ZMPSTE24: variants seen among roughly 807,000 people sequenced by gnomAD.
ZMPSTE24 encodes the protein CAAX prenyl protease 1 homolog.
A neutral mutation model predicts 56.7 loss-of-function variants in ZMPSTE24; 48 were observed. That is an observed-to-expected ratio of 0.85 (90% confidence interval 0.67 to 1.08). The LOEUF (loss-of-function observed/expected upper bound fraction) is 1.08, where lower values mean the gene tolerates loss of function less well. Among genes scored for constraint, ZMPSTE24 ranks in the 50% least tolerant of loss-of-function variants. ZMPSTE24 has a pLI of 0.00. For missense variants in ZMPSTE24, 503 were observed against 548.7 expected, an observed-to-expected ratio of 0.92 and a Z score of 0.83; for synonymous variants, 172 against 195.2, an observed-to-expected ratio of 0.88 and a Z score of 0.99.
intron 2 of ZMPSTE24, among the ~76,000 whole-genome samples, chr1:40,264,384 T>C (rs1372729172): frequency 6.6e-6 from 1 of 151,978 alleles, no homozygotes; most frequent in East Asian, 1.9e-4. Context: ...AGCCATACCT[T>C]GTATGGTTTG....
In ZMPSTE24 at chr1:40,270,007, G is replaced by T; in HGVS notation, c.507G>T (p.Lys169Asn). ...TLGFFMKDAI[K>N]KFVVTQCILL... is the part of the protein sequence containing the mutation. The stretch of plus-strand genomic sequence containing the variant: ...GGTTCTTCATGAAAGATGCAATCAA[G>T]AAATTTGTTGTGACTCAGTGTATTT... The change falls in exon 5 of 10, where the codon AAG (lysine) becomes AAT (asparagine). Residue 169 changes from lysine to asparagine, a missense_variant. By Grantham distance (94) the Lys-to-Asn change is moderately conservative. Transcript: ENST00000372759. 2 of 1,613,684 alleles carry T rather than the reference G, an allele frequency of 1.2e-6. No individual in the cohort carries two copies. The highest frequency in any genetic ancestry group is 8.5e-7 in the Non-Finnish European group (1 of 1,179,886).
chr1:40,268,604 T>G, intron 4 of ZMPSTE24, 69 bp downstream of exon 4: 1 of 1,017,214 alleles, frequency 9.8e-7, no homozygotes, highest in Non-Finnish European at 1.5e-6. Flanking sequence ...CTGTACTGTT[T>G]ATAATTTAAA....
Position 40,267,808 on chromosome 1 carries a change from T to A in ZMPSTE24, c.293T>A (p.Ile98Lys). Residue 98 changes from isoleucine (I) to lysine (K), a missense_variant, in exon 3 of 10, where the codon ATA (isoleucine) becomes AAA (lysine). Ile to Lys is a moderately radical substitution (Grantham distance 102). Coordinates refer to ENST00000372759, the MANE Select transcript of ZMPSTE24 (RefSeq NM_005857.5). ...TAGCTTATTCTTCTCTTTGGAGGAA[T>A]ACCTTATCTCTGGAGACTTTCTGGA... is the stretch of plus-strand genomic sequence containing the variant. ...EGTLILLFGG[I>K]PYLWRLSGRF... 6.2e-7 allele frequency: 1 copy of A among 1,613,748 alleles called. No individual in the cohort carries two copies. Among genetic ancestry groups the A allele is most frequent in the Non-Finnish European group, 8.5e-7 (1 of 1,179,634 alleles).
At position 40,281,510 on chromosome 1, in the gene ZMPSTE24, A is replaced by G; in HGVS notation, c.937A>G (p.Ile313Val). 2 of 1,614,116 alleles carry G rather than the reference A, an allele frequency of 1.2e-6. No homozygotes were observed. Among genetic ancestry groups the G allele is most frequent in the Non-Finnish European group, 1.7e-6 (2 of 1,179,976 alleles). ...RNEEEGNSEE[I>V]KAKVKNKKQG... The stretch of plus-strand genomic sequence containing the variant: ...TGAGGAAGAAGGGAACAGTGAAGAA[A>G]TAAAAGCTAAAGTTAAAGTGAGTTA... Residue 313 changes from isoleucine to valine, a missense_variant, in exon 7 of 10, where the codon ATA becomes GTA. Physicochemically the swap from Ile to Val is conservative, Grantham distance 29. Coordinates refer to ENST00000372759, the MANE Select transcript of ZMPSTE24 (RefSeq NM_005857.5).
chr1:40,290,250 T>TG (rs1008462230), intron 8 of ZMPSTE24, among the ~76,000 whole-genome samples: 13 of 150,044 alleles, frequency 8.7e-5, no homozygotes, highest in Admixed American at 6.0e-4. Flanking sequence ...CCGGGCATGG[T>TG]GGGGGGCGCC....
At chr1:40,258,415 A>C (rs781751571) in intron 1 of ZMPSTE24, 21 bp downstream of exon 1, 6 of 1,613,658 alleles carry the variant, frequency 3.7e-6, no homozygotes. Flanking sequence ...ACAGGGTCCA[A>C]CCTGACCCCC....
At chr1:40,286,113 G>A in intron 8 of ZMPSTE24, 84 bp downstream of exon 8, 5 of 1,228,930 alleles carry the variant, frequency 4.1e-6, no homozygotes, top group Non-Finnish European at 2.4e-6. Flanking sequence ...TATAAGAGAG[G>A]CCAAGGCAGA....
chr1:40,281,745 T>C (rs567221202), intron 7 of ZMPSTE24, among the ~76,000 whole-genome samples: 48 of 152,100 alleles, frequency 3.2e-4, no homozygotes, highest in Non-Finnish European at 6.2e-4. Context: ...GATATTAAAA[T>C]TGGAAGCTCT....
rs1186850029 is a variant in ZMPSTE24, at chr1:40,292,967, T to C, written c.*298T>C. 4.0e-5 allele frequency: 13 copies of C among 327,074 alleles called. No homozygotes were observed. The highest frequency in any genetic ancestry group is 1.6e-4 in the East Asian group (2 of 12,274). The allele number at this position is 327,074 out of a possible 1,614,324, so 20.3% of individuals were successfully genotyped here. A position where few individuals can be genotyped will look rare whatever the true frequency, so the allele number is the denominator to read the frequency against. On this transcript the variant is annotated 3_prime_UTR_variant, in exon 10 of 10. Coordinates refer to ENST00000372759, the MANE Select transcript of ZMPSTE24 (RefSeq NM_005857.5). ...AGAACTCGTTTTATTTGTATACTTATATGGAATCTGCATGTGAGGTGTTTG... is the reference window on the plus strand; with the variant it reads ...AGAACTCGTTTTATTTGTATACTTACATGGAATCTGCATGTGAGGTGTTTG...
rs566186646 is a variant in ZMPSTE24, at chr1:40,291,101, A to G, written c.1203+104A>G. 2,553 of 1,447,912 alleles carry G rather than the reference A, an allele frequency of 1.8e-3. 13 individuals are homozygous for G. The highest frequency in any genetic ancestry group is 1.9e-3 in the Non-Finnish European group (2,055 of 1,064,104). 89.7% of individuals were successfully genotyped at this position (1,447,912 alleles called of 1,614,324 possible). ...GAAATAGAACAGTACAGTTTTAACA[A>G]ATAGATGAAACAAAGTCTTTTAGTC... On this transcript the variant is annotated intron_variant, in intron 9 of 9. Coordinates refer to ENST00000372759, the MANE Select transcript of ZMPSTE24 (RefSeq NM_005857.5).
intron 2 of ZMPSTE24, among the ~76,000 whole-genome samples, chr1:40,266,308 A>G (rs1216202995): frequency 1.3e-5 from 2 of 152,196 alleles, no homozygotes; most frequent in Non-Finnish European, 2.9e-5. Flanking sequence ...GTGATTGATC[A>G]TTGTGTTCCT....
chr1:40,278,739 C>T (rs1467866784), intron 6 of ZMPSTE24, among the ~76,000 whole-genome samples: 1 of 152,106 alleles, frequency 6.6e-6, no homozygotes, highest in African/African-American at 2.4e-5. Flanking sequence ...AAAGTCTGTG[C>T]TCTTAATCAC....
intron 1 of ZMPSTE24, among the ~76,000 whole-genome samples, 155 bp from the exon 2 acceptor site, chr1:40,260,684 C>T (rs1643488016): frequency 6.6e-6 from 1 of 152,150 alleles, no homozygotes; most frequent in Non-Finnish European, 1.5e-5. Flanking sequence ...CTGCATCAGT[C>T]GTTTCATGTA....
chr1:40,276,315 T>G (rs1643671238), intron 6 of ZMPSTE24, among the ~76,000 whole-genome samples: 1 of 152,172 alleles, frequency 6.6e-6, no homozygotes, highest in African/African-American at 2.4e-5. Context: ...TAGATGGTGT[T>G]CAGTGCTATC....
intron 2 of ZMPSTE24, among the ~76,000 whole-genome samples, chr1:40,267,553 TG>T (rs1174608626): frequency 6.8e-6 from 1 of 148,034 alleles, no homozygotes; most frequent in Non-Finnish European, 1.5e-5. Flanking sequence ...TTTGTAGAGA[TG>T]GGGTCTCAAC....
Position 40,267,772 on chromosome 1 carries a change from G to GC in ZMPSTE24, c.271-13dup. On this transcript the variant is annotated splice_polypyrimidine_tract_variant and intron_variant, in intron 2 of 9. Coordinates refer to ENST00000372759, the MANE Select transcript of ZMPSTE24 (RefSeq NM_005857.5). The stretch of plus-strand genomic sequence containing the variant: ...TACTGTTCAACTGTGATCAAAGTAT[G>GC]CTTTGTTTTATAGCTTATTCTTCTC... 3 of 1,582,100 alleles carry GC rather than the reference G, an allele frequency of 1.9e-6. No individual in the cohort carries two copies. Among genetic ancestry groups the GC allele is most frequent in the Non-Finnish European group, 2.6e-6 (3 of 1,151,146 alleles).
rs757210271 is a variant in ZMPSTE24 at position 40,292,666 on chromosome 1, C to G, written c.1425C>G (p.His475Gln). 6.2e-7 allele frequency: 1 copy of G among 1,612,448 alleles called. No homozygotes were observed. The highest frequency in any genetic ancestry group is 1.3e-5 in the African/African-American group (1 of 74,908). ...AAGCTTTGAAAACTATGAAGCAACA[C>G]TGAGATGTCCAGGATCTGTGACTGA... ...RLQALKTMKQH is the reference protein window; with the variant it reads ...RLQALKTMKQQ Residue 475 changes from histidine to glutamine, a missense_variant, in exon 10 of 10, where the codon CAC becomes CAG. By Grantham distance (24) the His-to-Gln change is conservative. Transcript: ENST00000372759.
At chr1:40,284,501 C>T (rs1300784465) in intron 7 of ZMPSTE24, among the ~76,000 whole-genome samples, 2 of 152,016 alleles carry the variant, frequency 1.3e-5, no homozygotes, top group Non-Finnish European at 2.9e-5. Context: ...CCTGTAATCC[C>T]AGCACTTTGG....
intron 6 of ZMPSTE24, among the ~76,000 whole-genome samples, chr1:40,280,606 G>A (rs906176710): frequency 5.1e-4 from 78 of 151,784 alleles, no homozygotes; most frequent in African/African-American, 1.8e-3. Context: ...TTGTATTTTT[G>A]GTAGAGACAG....
Sources: allele counts gnomAD v4.1 joint callset (sites outside exome capture counted in the v4.1 genomes callset), GRCh38; gene constraint gnomAD v4.1.1; transcripts MANE v1.5; gene names NCBI Gene and HGNC (gene_info 2026-07-23, HGNC 2026-07-21).